C10orf90: variants seen among roughly 807,000 people sequenced by gnomAD.
The protein encoded by C10orf90 is chromosome 10 open reading frame 90, also known as (E2-independent) E3 ubiquitin-conjugating enzyme FATS.
C10orf90 carries 56 observed loss-of-function variants against 62.5 expected under a neutral mutation model. The observed-to-expected ratio is 0.90, with a 90% confidence interval of 0.72 to 1.12. The LOEUF is 1.12. Ranked by LOEUF, C10orf90 falls within the 50% of genes most tolerant of loss-of-function variation. The pLI, the probability that C10orf90 is intolerant of heterozygous loss-of-function variation, is 0.00. For missense variants in C10orf90, 970 were observed against 880.4 expected (o/e 1.10, Z -1.29); for synonymous variants, 386 against 340.4 (o/e 1.13, Z -1.47).
chr10:126,498,134 A>G (rs1030499558), intron 4 of C10orf90, among the ~76,000 whole-genome samples: 1 of 152,224 alleles, frequency 6.6e-6, no homozygotes, highest in Non-Finnish European at 1.5e-5. Flanking sequence ...ACCAGCCAGC[A>G]GCAGAAAGGC....
intron 4 of C10orf90, among the ~76,000 whole-genome samples, chr10:126,469,381 C>G (rs1860448434): frequency 6.6e-6 from 1 of 152,180 alleles, no homozygotes; most frequent in Non-Finnish European, 1.5e-5. Flanking sequence ...CCTCTTAAAA[C>G]AGACTTCAAC....
chr10:126,507,356 C>CAAAA (rs1204374185), intron 3 of C10orf90, among the ~76,000 whole-genome samples: 28 of 68,878 alleles, frequency 4.1e-4, no homozygotes, highest in African/African-American at 9.6e-4. Flanking sequence ...GACTCCATCT[C>CAAAA]AAAAAAAAAA....
At chr10:126,519,606 A>C (rs1371366743) in intron 2 of C10orf90, among the ~76,000 whole-genome samples, 2 of 152,206 alleles carry the variant, frequency 1.3e-5, no homozygotes. Flanking sequence ...AATTTTCACC[A>C]TCCTTTTAAA....
At chr10:126,566,739 GA>G (rs1377210970) in intron 2 of C10orf90, among the ~76,000 whole-genome samples, 2 of 152,164 alleles carry the variant, frequency 1.3e-5, no homozygotes, top group Non-Finnish European at 2.9e-5. Flanking sequence ...GACCTTTTAG[GA>G]AAAGCACTTT....
chr10:126,661,332 T>G (rs1846507120), intron 1 of C10orf90, among the ~76,000 whole-genome samples: 1 of 152,238 alleles, frequency 6.6e-6, no homozygotes, highest in African/African-American at 2.4e-5. Flanking sequence ...AGGTTATCTC[T>G]TTTAATGCCC....
intron 1 of C10orf90, among the ~76,000 whole-genome samples, chr10:126,650,416 A>T (rs1846267890): frequency 6.6e-6 from 1 of 152,178 alleles, no homozygotes; most frequent in Non-Finnish European, 1.5e-5. Context: ...AGGAGCTATC[A>T]TTGAGGGCAA....
intron 2 of C10orf90, among the ~76,000 whole-genome samples, chr10:126,527,513 G>A (rs1368679739): frequency 6.6e-6 from 1 of 152,212 alleles, no homozygotes; most frequent in African/African-American, 2.4e-5. Context: ...CCGTAAGGCA[G>A]CATCTCGTAT....
At chr10:126,509,090 G>T (rs1862941005) in intron 3 of C10orf90, among the ~76,000 whole-genome samples, 1 of 152,170 alleles carries the variant, frequency 6.6e-6, no homozygotes, top group African/African-American at 2.4e-5. Flanking sequence ...ACGGGATAAG[G>T]AATTAGCCAC....
At chr10:126,576,090 GA>G (rs1388502807) in intron 2 of C10orf90, among the ~76,000 whole-genome samples, 1 of 151,968 alleles carries the variant, frequency 6.6e-6, no homozygotes, top group East Asian at 1.9e-4. Context: ...ACAGCAAACT[GA>G]AAAGCTTCTG....
chr10:126,590,615 A>C (rs1319983423), intron 2 of C10orf90, among the ~76,000 whole-genome samples: 4 of 152,168 alleles, frequency 2.6e-5, no homozygotes, highest in African/African-American at 9.7e-5. Flanking sequence ...TTAAGGCAGA[A>C]ATCAAGAAAC....
At chr10:126,454,634 C>T (rs1023308668) in intron 7 of C10orf90, among the ~76,000 whole-genome samples, 4 of 151,812 alleles carry the variant, frequency 2.6e-5, no homozygotes, top group Non-Finnish European at 4.4e-5. Context: ...GACTATACCC[C>T]CTAATACTTG....
chr10:126,538,650 G>A (rs1864301369), intron 2 of C10orf90, among the ~76,000 whole-genome samples: 1 of 152,194 alleles, frequency 6.6e-6, no homozygotes, highest in Non-Finnish European at 1.5e-5. Flanking sequence ...ATCCATGTTT[G>A]ATTAACCATA....
chr10:126,611,648 A>G (rs1228090634), intron 2 of C10orf90, among the ~76,000 whole-genome samples: 1 of 152,136 alleles, frequency 6.6e-6, no homozygotes, highest in African/African-American at 2.4e-5. Context: ...TTGTCAGCAA[A>G]TATTATTATT....
intron 2 of C10orf90, among the ~76,000 whole-genome samples, chr10:126,592,441 T>C (rs1015285303): frequency 6.6e-6 from 1 of 151,960 alleles, no homozygotes; most frequent in South Asian, 2.1e-4. Flanking sequence ...AAGCAATGGG[T>C]AAAGGATTCC....
chr10:126,604,031 G>C (rs1445096391), intron 2 of C10orf90, among the ~76,000 whole-genome samples: 1 of 152,206 alleles, frequency 6.6e-6, no homozygotes, highest in Non-Finnish European at 1.5e-5. Context: ...GGACAAGCTT[G>C]AGCGGAAGGG....
chr10:126,655,831 A>G (rs1158064150), intron 1 of C10orf90, among the ~76,000 whole-genome samples: 1 of 146,268 alleles, frequency 6.8e-6, no homozygotes, highest in Non-Finnish European at 1.5e-5. Flanking sequence ...AGACAAAACA[A>G]AACAAAACAA....
At chr10:126,431,570 T>A (rs1857570346) in intron 7 of C10orf90, among the ~76,000 whole-genome samples, 1 of 152,186 alleles carries the variant, frequency 6.6e-6, no homozygotes, top group South Asian at 2.1e-4. Flanking sequence ...ATGTGACTCT[T>A]GACAGTCACT....
intron 4 of C10orf90, among the ~76,000 whole-genome samples, chr10:126,485,813 G>A (rs918739143): frequency 6.6e-6 from 1 of 151,872 alleles, no homozygotes; most frequent in Non-Finnish European, 1.5e-5. Context: ...CGGGCGTCGT[G>A]GTGGGCACCT....
At chr10:126,655,308 C>T (rs1338562188) in intron 1 of C10orf90, among the ~76,000 whole-genome samples, 1 of 152,046 alleles carries the variant, frequency 6.6e-6, no homozygotes, top group Non-Finnish European at 1.5e-5. Context: ...CAGAGCAAGA[C>T]TGTGTCTCAA....
Sources: allele counts gnomAD v4.1 joint callset (sites outside exome capture counted in the v4.1 genomes callset), GRCh38; gene constraint gnomAD v4.1.1; transcripts MANE v1.5; gene names NCBI Gene and HGNC (gene_info 2026-07-23, HGNC 2026-07-21).